CDON: variants seen among roughly 807,000 people sequenced by gnomAD.
CDON encodes cell adhesion associated, oncogene regulated.
In CDON, 73 loss-of-function variants were observed where a neutral mutation model predicts 120.9. That is an observed-to-expected ratio of 0.60 (90% CI 0.50 to 0.73). The LOEUF is 0.73. Ranked by LOEUF, CDON falls within the 30% of genes least tolerant of loss-of-function variation. The pLI is 0.00. For synonymous variants in CDON, 566 were observed against 573.5 expected, an observed-to-expected ratio of 0.99 and a Z score of 0.19; for missense variants, 1,470 against 1,587.3, an observed-to-expected ratio of 0.93 and a Z score of 1.26.
chr11:126,008,231 A>C (rs954089931), intron 8 of CDON, among the ~76,000 whole-genome samples: 3 of 152,318 alleles, frequency 2.0e-5, no homozygotes, highest in East Asian at 1.9e-4. Context: ...GGAGAGAGTT[A>C]TCTCTCTCTC....
chr11:125,959,412 T>C lies in CDON; in HGVS notation c.*1530A>G, dbSNP rs1280550745. The C allele has an allele frequency of 2.0e-5, 3 of 152,192 alleles. No homozygotes were observed. Among genetic ancestry groups the C allele is most frequent in the Non-Finnish European group, 4.4e-5 (3 of 68,030 alleles). 9.4% of individuals were successfully genotyped at this position (152,192 alleles called of 1,614,324 possible). A position where few individuals can be genotyped will look rare whatever the true frequency, so the allele number is the denominator to read the frequency against. Reference sequence around the variant, plus strand: ...ATCCTTGAAAGCTTGACTCAAGCTATGAAACACACTTACATAATTATTGTT... The same window carrying C: ...ATCCTTGAAAGCTTGACTCAAGCTACGAAACACACTTACATAATTATTGTT... On this transcript the variant is annotated 3_prime_UTR_variant, in exon 20 of 20. Coordinates refer to ENST00000531738, the MANE Select transcript of CDON (RefSeq NM_001378964.1).
chr11:126,039,604 T>C (rs192243500), intron 1 of CDON, among the ~76,000 whole-genome samples: 6 of 152,360 alleles, frequency 3.9e-5, no homozygotes, highest in African/African-American at 1.4e-4. Flanking sequence ...AGTAGGATTA[T>C]ACTACAACTG....
At chr11:126,013,836 TTC>T (rs1389522583) in intron 7 of CDON, among the ~76,000 whole-genome samples, 2 of 152,102 alleles carry the variant, frequency 1.3e-5, no homozygotes, top group East Asian at 1.9e-4. Flanking sequence ...TTTGAATCTA[TTC>T]TGTTATCCTT....
intron 18 of CDON, among the ~76,000 whole-genome samples, chr11:125,975,270 C>A (rs544928264): frequency 4.0e-4 from 61 of 152,360 alleles, no homozygotes; most frequent in Non-Finnish European, 7.1e-4. Flanking sequence ...TCTTCAAACT[C>A]TACTCACTAT....
At chr11:125,999,506 A>T (rs981285419) in intron 11 of CDON, among the ~76,000 whole-genome samples, 17 of 152,278 alleles carry the variant, frequency 1.1e-4, no homozygotes, top group Admixed American at 3.3e-4. Flanking sequence ...GTTCCTCATT[A>T]GGTTGTTTTG....
At chr11:126,010,003 G>A (rs897711583) in intron 8 of CDON, among the ~76,000 whole-genome samples, 9 of 152,286 alleles carry the variant, frequency 5.9e-5, no homozygotes, top group African/African-American at 2.2e-4. Flanking sequence ...CAATACTGTA[G>A]TTATCAAGGG....
At chr11:125,964,177 C>T (rs901655393) in intron 18 of CDON, among the ~76,000 whole-genome samples, 3 of 152,106 alleles carry the variant, frequency 2.0e-5, no homozygotes, top group African/African-American at 4.8e-5. Context: ...AGACTCTAAA[C>T]GGGGTGAAAT....
chr11:126,020,421 C>T (rs1181806735), intron 3 of CDON, among the ~76,000 whole-genome samples: 1 of 152,224 alleles, frequency 6.6e-6, no homozygotes, highest in Non-Finnish European at 1.5e-5. Context: ...TCTCAGTTCA[C>T]TACGGACGGA....
intron 1 of CDON, among the ~76,000 whole-genome samples, chr11:126,029,827 T>C (rs917831508): frequency 4.6e-5 from 7 of 152,170 alleles, no homozygotes; most frequent in Non-Finnish European, 1.0e-4. Flanking sequence ...AGTGGTCCCT[T>C]TGCTCTCAGG....
At chr11:126,056,859 A>C (rs929169203) in intron 1 of CDON, among the ~76,000 whole-genome samples, 3 of 152,104 alleles carry the variant, frequency 2.0e-5, no homozygotes, top group African/African-American at 7.2e-5. Context: ...TCTTCCTTTT[A>C]TGGTGGACTT....
intron 1 of CDON, among the ~76,000 whole-genome samples, chr11:126,055,297 G>C (rs1287446594): frequency 6.6e-6 from 1 of 152,130 alleles, no homozygotes; most frequent in East Asian, 1.9e-4. Context: ...TAACAGACAA[G>C]AGATAAAGAA....
chr11:126,035,170 GA>G, intron 1 of CDON, among the ~76,000 whole-genome samples: 1 of 151,964 alleles, frequency 6.6e-6, no homozygotes, highest in South Asian at 2.1e-4. Context: ...TAATAACAAG[GA>G]AAAAATCCTC....
chr11:125,983,755 A>T (rs954804653), intron 16 of CDON, 117 bp downstream of exon 16: 37 of 784,020 alleles, frequency 4.7e-5, no homozygotes, highest in African/African-American at 4.6e-4. Flanking sequence ...AAGAGTATCT[A>T]ATGTGTTTCA....
chr11:126,028,723 T>TATTTA (rs1212269499), intron 1 of CDON, among the ~76,000 whole-genome samples: 1 of 151,034 alleles, frequency 6.6e-6, no homozygotes. Flanking sequence ...TTTATTTATT[T>TATTTA]ATTTATTTAT....
At chr11:125,973,556 G>A (rs866784880) in intron 18 of CDON, among the ~76,000 whole-genome samples, 4 of 152,080 alleles carry the variant, frequency 2.6e-5, no homozygotes, top group South Asian at 2.1e-4. Flanking sequence ...AAACAAAAAC[G>A]AATTCCTGCT....
intron 1 of CDON, among the ~76,000 whole-genome samples, chr11:126,040,073 G>A (rs1342924461): frequency 6.6e-6 from 1 of 152,042 alleles, no homozygotes; most frequent in Non-Finnish European, 1.5e-5. Flanking sequence ...GATCCTACCT[G>A]ACTCACTATA....
rs753925222 is a variant in CDON, at chr11:126,010,707, T to G, written c.1199-13A>C. On this transcript the variant is annotated splice_polypyrimidine_tract_variant and intron_variant, in intron 7 of 19. Transcript: ENST00000531738. ...TTGAATCCACCGTCTATTAAAAAAG[T>G]AATTCACATATGAAAAATGAAGAAC... 7 of 1,600,362 alleles carry G rather than the reference T, an allele frequency of 4.4e-6. No individual in the cohort carries two copies. The African/African-American group carries it at 6.7e-5, about 15-fold the overall frequency.
At chr11:125,980,058 T>C (rs1395515740) in intron 17 of CDON, among the ~76,000 whole-genome samples, 4 of 152,176 alleles carry the variant, frequency 2.6e-5, no homozygotes, top group Non-Finnish European at 4.4e-5. Context: ...TTGTAGCACA[T>C]TGTGGGTCAT....
chr11:125,964,384 G>A (rs2134351058), intron 18 of CDON, among the ~76,000 whole-genome samples: 2 of 152,336 alleles, frequency 1.3e-5, no homozygotes, highest in Admixed American at 1.3e-4. Flanking sequence ...AGAGAGCAGA[G>A]AGGGCTTTTA....
Sources: gnomAD v4.1 joint callset for allele counts (sites outside exome capture counted in the v4.1 genomes callset) on GRCh38, gnomAD v4.1.1 for gene constraint, MANE v1.5 for transcripts, NCBI Gene and HGNC (gene_info 2026-07-23, HGNC 2026-07-21) for gene names.